Variants in ETV4 observed in about 807,000 individuals in gnomAD.
ETV4 encodes the protein ETS translocation variant 4.
In ETV4, 42 loss-of-function variants were observed where a neutral mutation model predicts 65.9. The ratio of observed to expected loss-of-function variants is 0.64; its 90% CI spans 0.50 to 0.82. The LOEUF is 0.82. Ranked by LOEUF, ETV4 falls within the 40% of genes least tolerant of loss-of-function variation. The probability of loss-of-function intolerance (pLI) is 0.00; values close to 1 mark genes in which losing one functional copy is unlikely to be tolerated. For synonymous variants in ETV4, 238 were observed against 260.0 expected, an observed-to-expected ratio of 0.92 and a Z score of 0.81; for missense variants, 583 against 630.3, an observed-to-expected ratio of 0.92 and a Z score of 0.80.
At chr17:43,532,163 GC>G (rs1446813867) in intron 8 of ETV4, among the ~76,000 whole-genome samples, 2 of 152,126 alleles carry the variant, frequency 1.3e-5, no homozygotes, top group Admixed American at 6.6e-5. Context: ...TGCCCCGGGG[GC>G]CCCCCTTATC....
rs1377578879 is a variant in ETV4, at chr17:43,546,266, C to G, written c.-133G>C. On this transcript the variant is annotated 5_prime_UTR_variant, in exon 1 of 13. Coordinates refer to ENST00000319349, the MANE Select transcript of ETV4 (RefSeq NM_001079675.5). ...CCGCACCGAGGGCCGCGGGGCTAGG[C>G]CGGAGTAAGGCGGCCCCGGCCCCGG... is the stretch of plus-strand genomic sequence containing the variant. 1 of 152,174 alleles carries G rather than the reference C, an allele frequency of 6.6e-6. No individual in the cohort carries two copies. The highest frequency in any genetic ancestry group is 1.5e-5 in the Non-Finnish European group (1 of 68,232). 9.4% of individuals were successfully genotyped at this position (152,174 alleles called of 1,614,324 possible).
At chr17:43,530,829 C>A (rs1379307619) in intron 8 of ETV4, among the ~76,000 whole-genome samples, 1 of 152,090 alleles carries the variant, frequency 6.6e-6, no homozygotes, top group Non-Finnish European at 1.5e-5. Context: ...CCCGCCCTCC[C>A]CCCACTGCAC....
chr17:43,541,657 C>T (rs548827188), intron 4 of ETV4, among the ~76,000 whole-genome samples: 19 of 152,252 alleles, frequency 1.2e-4, no homozygotes, highest in African/African-American at 4.1e-4. Flanking sequence ...TACATATGCT[C>T]GGTCACCCTC....
intron 6 of ETV4, 46 bp downstream of exon 6, chr17:43,533,813 C>G: frequency 6.2e-7 from 1 of 1,600,230 alleles, no homozygotes; most frequent in East Asian, 2.3e-5. Context: ...CCTCCCTCCT[C>G]TGGAACCCTT....
At chr17:43,534,288 A>G (rs926151500) in intron 5 of ETV4, among the ~76,000 whole-genome samples, 4 of 151,566 alleles carry the variant, frequency 2.6e-5, no homozygotes, top group African/African-American at 7.3e-5. Context: ...GCAGGAGTCC[A>G]AGACCAGCCT....
chr17:43,532,998 G>C, intron 7 of ETV4, 59 bp from the exon 8 acceptor site: 1 of 1,524,382 alleles, frequency 6.6e-7, no homozygotes, highest in Non-Finnish European at 8.8e-7. Context: ...CCTTCCTCGA[G>C]CCTGTTACTC....
chr17:43,544,961 A>C lies in ETV4; in HGVS notation c.202+14T>G, dbSNP rs747757876. On this transcript the variant is annotated intron_variant, in intron 4 of 12. Coordinates refer to ENST00000319349, the MANE Select transcript of ETV4 (RefSeq NM_001079675.5). Reference sequence around the variant, plus strand: ...CCAGCCTCCCAAAATAGAAAAGGTCACAAAACTACTCACCTTCAGCGAGCC... The same window carrying C: ...CCAGCCTCCCAAAATAGAAAAGGTCCCAAAACTACTCACCTTCAGCGAGCC... 1.9e-6 allele frequency: 3 copies of C among 1,613,726 alleles called. No individual in the cohort carries two copies. The South Asian group carries it at 3.3e-5, about 18-fold the overall frequency.
rs1404765259 is a variant in ETV4 at position 43,530,199 on chromosome 17, G to T, written c.812-18C>A. ...GGTGACATCTGTGGGGGAAGAAGGG[G>T]TGATGTGAGAAGTGGCTTGGGGTGG... is the stretch of plus-strand genomic sequence containing the variant. On this transcript the variant is annotated intron_variant, in intron 8 of 12. Coordinates refer to ENST00000319349, the MANE Select transcript of ETV4 (RefSeq NM_001079675.5). The T allele has an allele frequency of 3.2e-6, 5 of 1,553,112 alleles. No individual in the cohort carries two copies. In the Middle Eastern group the frequency reaches 5.0e-4, roughly 155 times the overall value.
At position 43,530,168 on chromosome 17, in the gene ETV4, G is replaced by C. The variant is rs529970715; in HGVS notation, c.825C>G (p.Cys275Trp). Residue 275 changes from cysteine to tryptophan, a missense_variant, in exon 9 of 13, where the codon TGC becomes TGG. By Grantham distance (215) the Cys-to-Trp change is radical. Transcript: ENST00000319349. ...CCTCTGTGTGGAGGTACATTGATGCGCACCCGGTGACATCTGTGGGGGAAG... is the reference window on the plus strand; with the variant it reads ...CCTCTGTGTGGAGGTACATTGATGCCCACCCGGTGACATCTGTGGGGGAAG... Reference protein sequence around the residue: ...DFAYDSDVTGCASMYLHTEGF... With the variant: ...DFAYDSDVTGWASMYLHTEGF... The C allele has an allele frequency of 6.4e-7, 1 of 1,556,418 alleles. No homozygotes were observed. The highest frequency in any genetic ancestry group is 2.4e-5 in the East Asian group (1 of 41,038).
At chr17:43,535,217 T>C (rs1971174349) in intron 5 of ETV4, among the ~76,000 whole-genome samples, 1 of 152,210 alleles carries the variant, frequency 6.6e-6, no homozygotes, top group Non-Finnish European at 1.5e-5. Context: ...TTGTGCCCCA[T>C]TGTTTCACTG....
At chr17:43,538,954 A>C (rs186379527) in intron 4 of ETV4, among the ~76,000 whole-genome samples, 1 of 152,156 alleles carries the variant, frequency 6.6e-6, no homozygotes, top group African/African-American at 2.4e-5. Context: ...GGCCTATACA[A>C]ATACATATCC....
chr17:43,540,135 C>G (rs1366346782), intron 4 of ETV4, among the ~76,000 whole-genome samples: 1 of 152,136 alleles, frequency 6.6e-6, no homozygotes, highest in African/African-American at 2.4e-5. Flanking sequence ...TGGCCTGATT[C>G]AAGAGTCACC....
At position 43,534,004 on chromosome 17, in the gene ETV4, C is replaced by A; in HGVS notation, c.257-19G>T. 2 of 1,510,044 alleles carry A rather than the reference C, an allele frequency of 1.3e-6. No homozygotes were observed. The highest frequency in any genetic ancestry group is 1.8e-6 in the Non-Finnish European group (2 of 1,142,582). The allele number at this position is 1,510,044 out of a possible 1,614,324, so 93.5% of individuals were successfully genotyped here. On this transcript the variant is annotated intron_variant, in intron 5 of 12. Transcript: ENST00000319349. ...AAAGCTACTGTGGGGGTGGAGGGGA[C>A]AGAGCAAGGCCAGAGCCTGTCACAC...
chr17:43,532,398 C>G, intron 8 of ETV4, among the ~76,000 whole-genome samples: 1 of 151,950 alleles, frequency 6.6e-6, no homozygotes, highest in East Asian at 1.9e-4. Context: ...ACTCGGGAGG[C>G]TGAGGCACAA....
chr17:43,535,804 G>C (rs915433954), intron 5 of ETV4, among the ~76,000 whole-genome samples: 6 of 152,164 alleles, frequency 3.9e-5, no homozygotes, highest in Non-Finnish European at 8.8e-5. Context: ...CCAGTTTATG[G>C]AAGTGACTTA....
intron 6 of ETV4, among the ~76,000 whole-genome samples, chr17:43,533,651 G>A (rs78933000): frequency 0.012 from 1,787 of 152,172 alleles, 20 homozygotes; most frequent in Non-Finnish European, 0.018. Flanking sequence ...AATCTGCTCT[G>A]GCCTCAGTAT....
chr17:43,533,507 C>G (rs1971073205), intron 6 of ETV4, among the ~76,000 whole-genome samples, 159 bp from the exon 7 acceptor site: 1 of 152,020 alleles, frequency 6.6e-6, no homozygotes, highest in Non-Finnish European at 1.5e-5. Context: ...CAGCCCTAGC[C>G]AATTCTTTTC....
chr17:43,543,276 A>ACTCTCT lies in ETV4; in HGVS notation c.202+1693_202+1698dup, dbSNP rs60214474. Among the ~76,000 whole-genome samples the ACTCTCT allele has an allele frequency of 4.8e-3, 657 of 138,230 alleles. 4 individuals are homozygous for ACTCTCT. Among genetic ancestry groups the ACTCTCT allele is most frequent in the East Asian group, 0.02 (87 of 4,454 alleles). 90.7% of individuals were successfully genotyped at this position (138,230 alleles called of 152,430 possible). A position where few individuals can be genotyped will look rare whatever the true frequency, so the allele number is the denominator to read the frequency against. ...AGCAGCATGTAACTAACACACACAC[A>ACTCTCT]CTCTCTCTCTCTCTCTCTCTCACAC... On this transcript the variant is annotated intron_variant, in intron 4 of 12. Coordinates refer to ENST00000319349, the MANE Select transcript of ETV4 (RefSeq NM_001079675.5).
At position 43,545,641 on chromosome 17, in the gene ETV4, G is replaced by C. The variant is rs1030582459; in HGVS notation, c.-24C>G. On this transcript the variant is annotated 5_prime_UTR_variant, in exon 2 of 13. Transcript: ENST00000319349. ...ATCCGGCCGCTCCCTCCGGCCGCAC[G>C]GCCGGGGCCCCAAGCGGGGGCCGAG... The C allele has an allele frequency of 7.7e-6, 12 of 1,549,570 alleles. No individual in the cohort carries two copies. In the African/African-American group the frequency reaches 9.6e-5, roughly 12 times the overall value.
Sources: gnomAD v4.1 joint callset for allele counts (sites outside exome capture counted in the v4.1 genomes callset) on GRCh38, gnomAD v4.1.1 for gene constraint, MANE v1.5 for transcripts, NCBI Gene and HGNC (gene_info 2026-07-23, HGNC 2026-07-21) for gene names.